The following PERP variants were observed in gnomAD, a reference collection of about 807,000 sequenced individuals.
PERP encodes p53 apoptosis effector related to PMP22.
PERP carries 11 observed loss-of-function variants against 20.3 expected under a neutral mutation model. That is an observed-to-expected ratio of 0.54 (90% confidence interval 0.34 to 0.90). The LOEUF is 0.90. PERP is among the 40% of genes least tolerant of loss of function. The pLI, the probability that PERP is intolerant of heterozygous loss-of-function variation, is 0.02. For synonymous variants in PERP, 101 were observed against 102.0 expected (o/e 0.99, Z 0.06); for missense variants, 224 against 249.4 (o/e 0.90, Z 0.69).
rs542690206 is a variant in PERP, at chr6:138,088,726, A to T, written c.*3316T>A. The T allele has an allele frequency of 4.3e-4, 65 of 152,332 alleles. No homozygotes were observed. The highest frequency in any genetic ancestry group is 1.5e-3 in the African/African-American group (61 of 41,568). 9.4% of individuals were successfully genotyped at this position (152,332 alleles called of 1,614,324 possible). ...GAATTGCAAAATTCAGGAAGAATGC[A>T]CTGCACACTGTATCCAGGCAAGCCA... On this transcript the variant is annotated 3_prime_UTR_variant, in exon 3 of 3. Transcript: ENST00000421351.
At position 138,102,429 on chromosome 6, in the gene PERP, A is replaced by G. The variant is rs571903596; in HGVS notation, c.214+4698T>C. On this transcript the variant is annotated intron_variant, in intron 1 of 2. Coordinates refer to ENST00000421351, the MANE Select transcript of PERP (RefSeq NM_022121.5). Reference sequence around the variant, plus strand: ...GAGAAGGACTTGGAAACAAACTATCATCCAGGCAACAGAACTAAGTTGTTG... The same window carrying G: ...GAGAAGGACTTGGAAACAAACTATCGTCCAGGCAACAGAACTAAGTTGTTG... 2.5e-4 allele frequency among the ~76,000 whole-genome samples: 38 copies of G among 152,356 alleles called. No homozygotes were observed. In the South Asian group the frequency reaches 7.9e-3, roughly 32 times the overall value.
intron 2 of PERP, among the ~76,000 whole-genome samples, chr6:138,092,486 T>C (rs1775605016): frequency 1.3e-5 from 2 of 152,162 alleles, no homozygotes; most frequent in Admixed American, 1.3e-4. Flanking sequence ...CACACACATA[T>C]GCCAAATATG....
intron 1 of PERP, among the ~76,000 whole-genome samples, chr6:138,102,874 C>T (rs913157596): frequency 6.6e-6 from 1 of 151,864 alleles, no homozygotes; most frequent in Non-Finnish European, 1.5e-5. Flanking sequence ...CCGAGGTGGG[C>T]GGATCACGAG....
chr6:138,094,468 C>T (rs1284119832), intron 2 of PERP, among the ~76,000 whole-genome samples: 2 of 152,154 alleles, frequency 1.3e-5, no homozygotes, highest in Non-Finnish European at 2.9e-5. Flanking sequence ...ATCAAAATTT[C>T]ATTCCTTTTT....
chr6:138,099,363 T>C (rs1775740463), intron 1 of PERP, among the ~76,000 whole-genome samples: 1 of 152,250 alleles, frequency 6.6e-6, no homozygotes, highest in South Asian at 2.1e-4. Context: ...TGGCCACTGG[T>C]AATTGTTAAG....
At position 138,090,476 on chromosome 6, in the gene PERP, CG is replaced by C; in HGVS notation, c.*1565del. The C allele has an allele frequency of 6.6e-6, 1 of 152,248 alleles. No homozygotes were observed. The highest frequency in any genetic ancestry group is 2.4e-5 in the African/African-American group (1 of 41,552). 9.4% of individuals were successfully genotyped at this position (152,248 alleles called of 1,614,324 possible). A position where few individuals can be genotyped will look rare whatever the true frequency, so the allele number is the denominator to read the frequency against. ...TCAGCTACACTGCACACATGTCCCC[CG>C]GGTGTCTGAACCTGCCAGAAATCTC... On this transcript the variant is annotated 3_prime_UTR_variant, in exon 3 of 3. Transcript: ENST00000421351.
chr6:138,101,789 GA>G (rs199816518), intron 1 of PERP, among the ~76,000 whole-genome samples: 2,032 of 152,304 alleles, frequency 0.013, 40 homozygotes, highest in African/African-American at 0.046. Context: ...GTAAGCATAG[GA>G]GAATGATATA....
intron 2 of PERP, among the ~76,000 whole-genome samples, chr6:138,093,155 C>T (rs996500546): frequency 1.3e-5 from 2 of 152,144 alleles, no homozygotes; most frequent in African/African-American, 2.4e-5. Context: ...TGAGTATATA[C>T]ATGTGTGTTC....
At chr6:138,097,444 CT>C (rs1218682478) in intron 1 of PERP, among the ~76,000 whole-genome samples, 3 of 152,162 alleles carry the variant, frequency 2.0e-5, no homozygotes, top group South Asian at 2.1e-4. Flanking sequence ...CTCACAACAA[CT>C]TTTTTTTCCC....
intron 1 of PERP, among the ~76,000 whole-genome samples, chr6:138,105,812 C>CAATTA (rs1216709336): frequency 1.3e-5 from 2 of 152,202 alleles, no homozygotes; most frequent in African/African-American, 4.8e-5. Context: ...TTTCAAAAAA[C>CAATTA]AATTAATTCG....
intron 2 of PERP, among the ~76,000 whole-genome samples, chr6:138,095,982 C>T (rs770814745): frequency 3.3e-5 from 5 of 152,158 alleles, no homozygotes; most frequent in Non-Finnish European, 5.9e-5. Context: ...GCATTCAGGT[C>T]CCCTCAGCAG....
chr6:138,099,489 C>T (rs144326718), intron 1 of PERP, among the ~76,000 whole-genome samples: 123 of 152,104 alleles, frequency 8.1e-4, no homozygotes, highest in African/African-American at 2.5e-3. Context: ...TGTAAAAGAA[C>T]GCAAACATAA....
In PERP at chr6:138,089,961, A is replaced by G. The variant is rs1410151300; in HGVS notation, c.*2081T>C. 1 of 152,164 alleles carries G rather than the reference A, an allele frequency of 6.6e-6. No homozygotes were observed. The highest frequency in any genetic ancestry group is 6.5e-5 in the Admixed American group (1 of 15,272). 9.4% of individuals were successfully genotyped at this position (152,164 alleles called of 1,614,324 possible). ...CAAAGACAAGTGCATGTGGTAGAGA[A>G]GCTTATAAACGGAGTCATTTTCATG... On this transcript the variant is annotated 3_prime_UTR_variant, in exon 3 of 3. Transcript: ENST00000421351.
Position 138,091,186 on chromosome 6 carries a change from T to A in PERP, c.*856A>T, listed in dbSNP as rs1582963773. On this transcript the variant is annotated 3_prime_UTR_variant, in exon 3 of 3. Transcript: ENST00000421351. Reference sequence around the variant, plus strand: ...GGCACTTTTGTGACAAGAATGACCCTCCTAATGCTTTACTACACAACTTAA... The same window carrying A: ...GGCACTTTTGTGACAAGAATGACCCACCTAATGCTTTACTACACAACTTAA... The A allele has an allele frequency of 7.8e-6, 1 of 128,074 alleles. No homozygotes were observed. The highest frequency in any genetic ancestry group is 2.7e-5 in the African/African-American group (1 of 36,422). 7.9% of individuals were successfully genotyped at this position (128,074 alleles called of 1,614,324 possible).
intron 1 of PERP, among the ~76,000 whole-genome samples, chr6:138,097,048 A>G (rs1008968219): frequency 6.6e-5 from 10 of 152,254 alleles, no homozygotes; most frequent in African/African-American, 2.4e-4. Context: ...CTGATCTTAT[A>G]ACAAGCTTAT....
At chr6:138,105,661 G>T (rs2327872) in intron 1 of PERP, among the ~76,000 whole-genome samples, 66,271 of 151,746 alleles carry the variant, frequency 0.44, 14,715 homozygotes, top group East Asian at 0.71. Flanking sequence ...GAGGATTACT[G>T]CATATACTTT....
intron 1 of PERP, among the ~76,000 whole-genome samples, chr6:138,097,637 G>A (rs982368742): frequency 5.3e-5 from 8 of 152,120 alleles, no homozygotes; most frequent in African/African-American, 1.9e-4. Flanking sequence ...TTTTAGAAAT[G>A]AAGGATATAC....
intron 2 of PERP, among the ~76,000 whole-genome samples, chr6:138,094,351 T>C (rs1450325172): frequency 6.6e-6 from 1 of 152,172 alleles, no homozygotes; most frequent in East Asian, 1.9e-4. Flanking sequence ...TCTGTAAATT[T>C]GCCTATTCCA....
chr6:138,089,353 T>C lies in PERP; in HGVS notation c.*2689A>G, dbSNP rs1360541519. 6.6e-6 allele frequency: 1 copy of C among 152,244 alleles called. No individual in the cohort carries two copies. Among genetic ancestry groups the C allele is most frequent in the Non-Finnish European group, 1.5e-5 (1 of 68,036 alleles). The allele number at this position is 152,244 out of a possible 1,614,324, so 9.4% of individuals were successfully genotyped here. A position where few individuals can be genotyped will look rare whatever the true frequency, so the allele number is the denominator to read the frequency against. ...ATTTCCTTAAAAAAGGAAAGGCTGT[T>C]GAACTTGTGAGTTCTGCAGTCTATG... On this transcript the variant is annotated 3_prime_UTR_variant, in exon 3 of 3. Coordinates refer to ENST00000421351, the MANE Select transcript of PERP (RefSeq NM_022121.5).
Sources: gnomAD v4.1 joint callset for allele counts (sites outside exome capture counted in the v4.1 genomes callset) on GRCh38, gnomAD v4.1.1 for gene constraint, MANE v1.5 for transcripts, NCBI Gene and HGNC (gene_info 2026-07-23, HGNC 2026-07-21) for gene names.